The following ZFHX3 variants were observed in gnomAD, a reference collection of about 807,000 sequenced individuals.
The protein encoded by ZFHX3 is zinc finger homeobox 3.
ZFHX3 carries 42 observed loss-of-function variants against 279.1 expected under a neutral mutation model. The ratio of observed to expected loss-of-function variants is 0.15; its 90% CI spans 0.12 to 0.19. The LOEUF (loss-of-function observed/expected upper bound fraction) is 0.19. Among genes scored for constraint, ZFHX3 ranks in the 10% least tolerant of loss-of-function variants. The probability of loss-of-function intolerance (pLI) is 1.00; values close to 1 mark genes in which losing one functional copy is unlikely to be tolerated. For missense variants in ZFHX3, 4,981 were observed against 4,754.0 expected, an observed-to-expected ratio of 1.05 and a Z score of -1.40; for synonymous variants, 2,293 against 1,957.8, an observed-to-expected ratio of 1.17 and a Z score of -4.52.
chr16:72,920,682 TA>T lies in ZFHX3; in HGVS notation c.3216+29786del, dbSNP rs890168978. Among the ~76,000 whole-genome samples, 5 of 148,934 alleles carry T rather than the reference TA, an allele frequency of 3.4e-5. No homozygotes were observed. The East Asian group carries it at 5.9e-4, about 17-fold the overall frequency. On this transcript the variant is annotated intron_variant, in intron 3 of 9. Transcript: ENST00000268489. ...TGAAAGTTCGTCTCAAAAAAAAAAT[TA>T]AAAAAAAACACACCTAGAGGAAAAA...
At chr16:73,737,267 G>A (rs965900706) in intron 1 of ZFHX3, among the ~76,000 whole-genome samples, 2 of 152,024 alleles carry the variant, frequency 1.3e-5, no homozygotes, top group African/African-American at 2.4e-5. Flanking sequence ...GAACTCCTGG[G>A]CTCGAGCAAT....
Position 72,798,300 on chromosome 16 carries a change from T to C in ZFHX3, c.4382A>G (p.Gln1461Arg). The C allele has an allele frequency of 6.2e-7, 1 of 1,614,202 alleles. No individual in the cohort carries two copies. Among genetic ancestry groups the C allele is most frequent in the East Asian group, 2.2e-5 (1 of 44,870 alleles). Residue 1461 changes from glutamine to arginine, a missense_variant, in exon 9 of 10, where the codon CAA becomes CGA. By Grantham distance (43) the Gln-to-Arg change is conservative. Around this residue, in one of 7 missense-constraint regions of ZFHX3, gnomAD observed 1,751 missense variants for 1,770.0 expected, o/e 0.99. Coordinates refer to ENST00000268489, the MANE Select transcript of ZFHX3 (RefSeq NM_006885.4). ...GGCCAGCAGGCCACCATAAAGCTGT[T>C]GGATGTCAGCCTCACTCAGCTCCAG... ...SHLELSEADI[Q>R]QLYGGLLANG...
At chr16:72,946,937 T>G (rs1272949046) in intron 3 of ZFHX3, among the ~76,000 whole-genome samples, 4 of 152,234 alleles carry the variant, frequency 2.6e-5, no homozygotes, top group African/African-American at 9.6e-5. Flanking sequence ...CATTTTTCCA[T>G]GCTGGCTCAG....
chr16:73,111,127 G>A (rs1437905841), intron 7 of ZFHX3, among the ~76,000 whole-genome samples: 1 of 152,132 alleles, frequency 6.6e-6, no homozygotes, highest in Non-Finnish European at 1.5e-5. Context: ...TTTTAGTAGA[G>A]ACGAGGTTTC....
chr16:73,559,185 C>G (rs1197814534), intron 2 of ZFHX3, among the ~76,000 whole-genome samples: 3 of 151,388 alleles, frequency 2.0e-5, no homozygotes, highest in Admixed American at 2.0e-4. Context: ...GTAGCTAAGA[C>G]TACAGACACA....
intron 3 of ZFHX3, among the ~76,000 whole-genome samples, chr16:73,364,176 A>G (rs1000884983): frequency 2.0e-4 from 2 of 10,164 alleles, no homozygotes; most frequent in African/African-American, 2.9e-4. Context: ...ACCCTGTTTC[A>G]AAAAAAAAAA....
At chr16:73,108,700 A>T (rs1384990132) in intron 7 of ZFHX3, among the ~76,000 whole-genome samples, 2 of 152,054 alleles carry the variant, frequency 1.3e-5, no homozygotes, top group African/African-American at 4.8e-5. Context: ...TCCTGAAGTG[A>T]CTCTGGCCTT....
intron 5 of ZFHX3, among the ~76,000 whole-genome samples, chr16:73,149,569 C>T (rs1213200507): frequency 6.6e-6 from 1 of 152,086 alleles, no homozygotes; most frequent in Non-Finnish European, 1.5e-5. Context: ...CAGTCATTTT[C>T]GGCACTTTGC....
rs909309914 is a variant in ZFHX3, at chr16:73,140,836, A to G, written c.-1024+2916T>C. Among the ~76,000 whole-genome samples, 3 of 152,212 alleles carry G rather than the reference A, an allele frequency of 2.0e-5. No individual in the cohort carries two copies. In the East Asian group the frequency reaches 5.8e-4, roughly 29 times the overall value. On this transcript the variant is annotated intron_variant, in intron 6 of 17. Transcript: ENST00000641206. ...CACTGCACTCCAGCCTGGGTGACAC[A>G]GTAAGACTCTGTCCCAAAAACAACA...
chr16:73,046,232 T>C (rs62055073), intron 1 of ZFHX3, among the ~76,000 whole-genome samples: 4,244 of 152,300 alleles, frequency 0.028, 66 homozygotes, highest in South Asian at 0.063. Context: ...AACCCTTCAA[T>C]TATTTGGAAC....
At chr16:73,426,238 T>A (rs2017808146) in intron 3 of ZFHX3, among the ~76,000 whole-genome samples, 1 of 152,200 alleles carries the variant, frequency 6.6e-6, no homozygotes, top group African/African-American at 2.4e-5. Context: ...TTCTGCATTA[T>A]ATATGGCCAA....
At chr16:72,886,226 A>G (rs1382306176) in intron 4 of ZFHX3, among the ~76,000 whole-genome samples, 1 of 152,192 alleles carries the variant, frequency 6.6e-6, no homozygotes, top group Non-Finnish European at 1.5e-5. Flanking sequence ...GTCATCAGTT[A>G]TATGGACCGA....
At chr16:73,352,716 G>A (rs1180268968) in intron 3 of ZFHX3, among the ~76,000 whole-genome samples, 4 of 151,984 alleles carry the variant, frequency 2.6e-5, no homozygotes, top group Non-Finnish European at 1.5e-5. Context: ...TCATCAAGCT[G>A]TTGGAACTGC....
intron 2 of ZFHX3, among the ~76,000 whole-genome samples, chr16:72,954,893 G>A (rs1423203246): frequency 2.0e-5 from 3 of 152,214 alleles, no homozygotes; most frequent in Non-Finnish European, 4.4e-5. Flanking sequence ...ACCTTGTAAA[G>A]AGGAGTGTAT....
At chr16:73,231,861 T>C (rs2012784726) in intron 5 of ZFHX3, among the ~76,000 whole-genome samples, 1 of 152,192 alleles carries the variant, frequency 6.6e-6, no homozygotes, top group Admixed American at 6.5e-5. Context: ...TGGAGGTAAA[T>C]CCTTAGCCTC....
intron 3 of ZFHX3, among the ~76,000 whole-genome samples, chr16:73,360,861 C>T (rs1448297895): frequency 6.6e-6 from 1 of 152,048 alleles, no homozygotes; most frequent in African/African-American, 2.4e-5. Flanking sequence ...TTCTGGAGGG[C>T]CTCACTGTTT....
chr16:72,853,577 T>C (rs759491491), intron 4 of ZFHX3, among the ~76,000 whole-genome samples: 1 of 152,236 alleles, frequency 6.6e-6, no homozygotes, highest in Non-Finnish European at 1.5e-5. Context: ...TAAAGTGTTT[T>C]TTAAGCAGAG....
At chr16:73,758,295 T>C (rs729430) in intron 1 of ZFHX3, among the ~76,000 whole-genome samples, 35,652 of 152,116 alleles carry the variant, frequency 0.23, 4,501 homozygotes, top group Non-Finnish European at 0.28. Context: ...AAGTGAGGCA[T>C]TGTGCTTAGT....
intron 4 of ZFHX3, among the ~76,000 whole-genome samples, chr16:72,865,171 G>A (rs1474135851): frequency 1.3e-5 from 2 of 152,228 alleles, no homozygotes; most frequent in Non-Finnish European, 2.9e-5. Flanking sequence ...ATGAACCTGT[G>A]ACTTGAAAGA....
Sources: allele counts gnomAD v4.1 joint callset (sites outside exome capture counted in the v4.1 genomes callset), GRCh38; gene constraint gnomAD v4.1.1; regional missense constraint gnomAD v4.1.1; transcripts MANE v1.5; gene names NCBI Gene and HGNC (gene_info 2026-07-23, HGNC 2026-07-21).